The following RBFOX1 variants were observed in gnomAD, a reference collection of about 807,000 sequenced individuals.
RBFOX1 encodes RNA binding fox-1 homolog 1, also known as RNA binding protein fox-1 homolog 1.
Under a neutral mutation model 57.7 loss-of-function variants are expected in RBFOX1, and 8 were observed. The ratio of observed to expected loss-of-function variants is 0.14; its 90% CI spans 0.08 to 0.25. The LOEUF is 0.25. Ranked by LOEUF, RBFOX1 falls within the 10% of genes least tolerant of loss-of-function variation. The pLI is 1.00. For missense variants in RBFOX1, 611 were observed against 548.5 expected, an observed-to-expected ratio of 1.11 and a Z score of -1.14; for synonymous variants, 326 against 222.4, an observed-to-expected ratio of 1.47 and a Z score of -4.15.
Position 7,290,521 on chromosome 16 carries a change from C to T in RBFOX1, c.28-227626C>T, listed in dbSNP as rs577879588. Among the ~76,000 whole-genome samples the T allele has an allele frequency of 5.9e-5, 9 of 152,214 alleles. No homozygotes were observed. The South Asian group carries it at 8.3e-4, about 14-fold the overall frequency. On this transcript the variant is annotated intron_variant, in intron 4 of 15. Coordinates refer to ENST00000550418, the MANE Select transcript of RBFOX1 (RefSeq NM_018723.4). ...GACACTATTTTCAAAAGGTAGCTGA[C>T]GATTGAATAAATGAATTAACCAACT...
chr16:5,254,606 T>C (rs1216401722), intron 1 of RBFOX1, among the ~76,000 whole-genome samples: 1 of 152,246 alleles, frequency 6.6e-6, no homozygotes, highest in Non-Finnish European at 1.5e-5. Flanking sequence ...CAGTTTCTTT[T>C]CTCTGTTCGA....
At chr16:6,779,602 G>T (rs189723206) in intron 3 of RBFOX1, among the ~76,000 whole-genome samples, 7 of 147,668 alleles carry the variant, frequency 4.7e-5, no homozygotes, top group African/African-American at 1.7e-4. Flanking sequence ...CTATTCTCCA[G>T]AGTGGCTGTA....
chr16:7,332,680 C>G (rs1337355391), intron 4 of RBFOX1: 13 of 803,114 alleles, frequency 1.6e-5, no homozygotes, highest in East Asian at 5.3e-5. Context: ...CTGTCTCTCT[C>G]TCTCTCTGAG....
At chr16:6,559,656 A>G (rs1332963624) in intron 2 of RBFOX1, among the ~76,000 whole-genome samples, 3 of 152,142 alleles carry the variant, frequency 2.0e-5, no homozygotes, top group Admixed American at 2.0e-4. Context: ...GTGAATATAT[A>G]CCCACACACA....
intron 3 of RBFOX1, among the ~76,000 whole-genome samples, chr16:5,828,283 A>G (rs2056145206): frequency 6.6e-6 from 1 of 152,216 alleles, no homozygotes. Context: ...TAACTCATAT[A>G]TAAACAATTT....
At chr16:6,988,747 GTTTGTTTTTTGTTTTTTGTTT>G (rs201767835) in intron 3 of RBFOX1, among the ~76,000 whole-genome samples, 1 of 101,386 alleles carries the variant, frequency 9.9e-6, no homozygotes, top group Admixed American at 1.0e-4. Flanking sequence ...TTTTTTGTTT[GTTTGTTTTTTGTTTTTTGTTT>G]TTTGTTTTTT....
chr16:7,496,552 C>T (rs573563222), intron 4 of RBFOX1, among the ~76,000 whole-genome samples: 1 of 151,738 alleles, frequency 6.6e-6, no homozygotes, highest in African/African-American at 2.4e-5. Context: ...TGAGTTTAAT[C>T]ATCATCATCA....
rs2062245804 is a variant in RBFOX1, at chr16:7,099,320, G to A, written c.27+47222G>A. On this transcript the variant is annotated intron_variant, in intron 4 of 15. Coordinates refer to ENST00000550418, the MANE Select transcript of RBFOX1 (RefSeq NM_018723.4). ...CCAAGGAATTTCGTAATTCCTGGCT[G>A]GTGTAAACTCATTTTGTACCAGCTT... is the stretch of plus-strand genomic sequence containing the variant. Among the ~76,000 whole-genome samples, 3 of 152,204 alleles carry A rather than the reference G, an allele frequency of 2.0e-5. No homozygotes were observed. In the South Asian group the frequency reaches 6.2e-4, roughly 32 times the overall value.
chr16:6,816,300 C>A (rs571630176), intron 3 of RBFOX1, among the ~76,000 whole-genome samples: 10 of 152,248 alleles, frequency 6.6e-5, no homozygotes, highest in South Asian at 2.1e-4. Context: ...CAGGGTAAGA[C>A]CTTGTTGCAA....
At chr16:6,791,477 C>T (rs115602052) in intron 3 of RBFOX1, among the ~76,000 whole-genome samples, 1,526 of 152,200 alleles carry the variant, frequency 0.01, 30 homozygotes, top group African/African-American at 0.035. Context: ...TAGAGCATCA[C>T]GCCAGTCACA....
At chr16:7,576,373 G>A (rs185022117) in intron 5 of RBFOX1, among the ~76,000 whole-genome samples, 6 of 152,194 alleles carry the variant, frequency 3.9e-5, no homozygotes, top group Admixed American at 3.9e-4. Context: ...TAAAAGGCAT[G>A]CAGGCTGAAA....
At chr16:6,783,096 G>T (rs938767670) in intron 3 of RBFOX1, among the ~76,000 whole-genome samples, 3 of 151,390 alleles carry the variant, frequency 2.0e-5, no homozygotes, top group African/African-American at 4.8e-5. Flanking sequence ...ATCTTTTTCT[G>T]TTCTTTCATT....
At chr16:7,483,843 C>T (rs556555244) in intron 4 of RBFOX1, among the ~76,000 whole-genome samples, 90 of 152,282 alleles carry the variant, frequency 5.9e-4, no homozygotes, top group Non-Finnish European at 3.2e-4. Flanking sequence ...GCAGAGGCTG[C>T]GCATCAGATG....
intron 11 of RBFOX1, among the ~76,000 whole-genome samples, chr16:7,637,646 T>A (rs1349145957): frequency 6.6e-6 from 1 of 152,156 alleles, no homozygotes; most frequent in African/African-American, 2.4e-5. Context: ...AAAGGACACA[T>A]ACAGGTCATT....
chr16:5,617,182 C>T (rs1003071194), intron 3 of RBFOX1, among the ~76,000 whole-genome samples: 4 of 152,072 alleles, frequency 2.6e-5, no homozygotes, highest in Non-Finnish European at 5.9e-5. Flanking sequence ...TTTTGAGGCT[C>T]TGTGCCAACA....
intron 1 of RBFOX1, among the ~76,000 whole-genome samples, chr16:6,139,943 G>C (rs973535696): frequency 1.3e-5 from 2 of 152,136 alleles, no homozygotes; most frequent in Non-Finnish European, 2.9e-5. Context: ...TTCAAAGATG[G>C]TCTTGATGAG....
At chr16:6,372,036 C>T (rs1350960797) in intron 2 of RBFOX1, among the ~76,000 whole-genome samples, 2 of 152,106 alleles carry the variant, frequency 1.3e-5, no homozygotes, top group Non-Finnish European at 2.9e-5. Flanking sequence ...TTGGGTGAAA[C>T]GATGGTTGAA....
Position 6,424,073 on chromosome 16 carries a change from A to G in RBFOX1, c.-64+107016A>G, listed in dbSNP as rs187715736. Among the ~76,000 whole-genome samples, 34 of 152,222 alleles carry G rather than the reference A, an allele frequency of 2.2e-4. No individual in the cohort carries two copies. The East Asian group carries it at 5.1e-3, about 23-fold the overall frequency. ...GCCAACATGGTGAAAACCCATCTCT[A>G]CTAAAAATAACAAAAATCAGCCAGA... On this transcript the variant is annotated intron_variant, in intron 2 of 15. Transcript: ENST00000550418.
chr16:7,216,011 C>G (rs2091977440), intron 4 of RBFOX1, among the ~76,000 whole-genome samples: 1 of 152,176 alleles, frequency 6.6e-6, no homozygotes, highest in Admixed American at 6.5e-5. Context: ...GCGTGAGCCA[C>G]CGCGCCCAGC....
Sources: allele counts gnomAD v4.1 joint callset (sites outside exome capture counted in the v4.1 genomes callset), GRCh38; gene constraint gnomAD v4.1.1; transcripts MANE v1.5; gene names NCBI Gene and HGNC (gene_info 2026-07-23, HGNC 2026-07-21).